The following DMXL1 variants were observed in gnomAD, a reference collection of about 807,000 sequenced individuals.
DMXL1 encodes the protein dmX-like protein 1.
DMXL1 carries 99 observed loss-of-function variants against 319.2 expected under a neutral mutation model. The ratio of observed to expected loss-of-function variants is 0.31; its 90% CI spans 0.26 to 0.37. DMXL1 has a LOEUF of 0.37. Among genes scored for constraint, DMXL1 ranks in the 10% least tolerant of loss-of-function variants. DMXL1 has a pLI of 1.00. For synonymous variants in DMXL1, 1,385 were observed against 1,235.2 expected (o/e 1.12, Z -2.54); for missense variants, 3,745 against 3,595.6 (o/e 1.04, Z -1.06).
In DMXL1 at chr5:119,125,495, A is replaced by T. The variant is rs576545021; in HGVS notation, c.1103-3716A>T. 6.6e-5 allele frequency among the ~76,000 whole-genome samples: 10 copies of T among 152,346 alleles called. No homozygotes were observed. In the South Asian group the frequency reaches 2.1e-3, roughly 32 times the overall value. ...TTAAATGTTGTTACAAAAATGAATT[A>T]CTAATGAGATTCTAGCTAAGGAGGG... On this transcript the variant is annotated intron_variant, in intron 9 of 43. Transcript: ENST00000539542.
At chr5:119,129,510 A>C in intron 10 of DMXL1, 87 bp downstream of exon 10, 1 of 895,766 alleles carries the variant, frequency 1.1e-6, no homozygotes, top group Non-Finnish European at 1.7e-6. Flanking sequence ...TACTTGTAAT[A>C]AACTTTAAAG....
chr5:119,137,652 A>G (rs550203067), intron 13 of DMXL1, among the ~76,000 whole-genome samples: 1 of 152,230 alleles, frequency 6.6e-6, no homozygotes, highest in Non-Finnish European at 1.5e-5. Flanking sequence ...ACAAGATCTG[A>G]TGGTTTAAAA....
chr5:119,093,992 G>C (rs139246280), intron 1 of DMXL1, among the ~76,000 whole-genome samples: 129 of 152,336 alleles, frequency 8.5e-4, no homozygotes, highest in South Asian at 3.7e-3. Context: ...TGAGGTATAA[G>C]AAAAGAAGTC....
At position 119,189,726 on chromosome 5, in the gene DMXL1, A is replaced by C; in HGVS notation, c.7154A>C (p.Glu2385Ala). ...TTGTTAGTTTCTTCACTAGTTGAAG[A>C]AGGAGAAAAACAGAACAAACGTTTT... The part of the protein sequence containing the change: ...KTLPVSSLVE[E>A]GEKQNKRFRP... Residue 2385 changes from glutamate (E) to alanine (A), a missense_variant, in exon 29 of 44, where the codon GAA becomes GCA. Glu to Ala is a moderately radical substitution (Grantham distance 107). Coordinates refer to ENST00000539542, the MANE Select transcript of DMXL1 (RefSeq NM_001290321.3). The C allele has an allele frequency of 6.2e-7, 1 of 1,613,900 alleles. No homozygotes were observed. The highest frequency in any genetic ancestry group is 8.5e-7 in the Non-Finnish European group (1 of 1,179,870).
intron 1 of DMXL1, among the ~76,000 whole-genome samples, chr5:119,095,526 T>TA (rs1386166195): frequency 1.3e-5 from 2 of 152,238 alleles, no homozygotes; most frequent in African/African-American, 2.4e-5. Context: ...ATTAGGTAGA[T>TA]AATTTCAGGT....
Position 119,247,012 on chromosome 5 carries a change from C to T in DMXL1, c.8940C>T (p.Thr2980=). ...EGNIKIWSLS[T]FGLLHTFVSE... ...TCTTTCAGATTTGGAGTCTCTCTAC[C>T]TTTGGTCTTCTCCATACTTTTGTCA... The change falls in exon 44 of 44, where the codon ACC becomes ACT. Residue 2980 remains threonine, a synonymous_variant. Transcript: ENST00000539542. 6 of 1,611,728 alleles carry T rather than the reference C, an allele frequency of 3.7e-6. No individual in the cohort carries two copies. Among genetic ancestry groups the T allele is most frequent in the Non-Finnish European group, 5.1e-6 (6 of 1,178,346 alleles).
Position 119,149,106 on chromosome 5 carries a change from T to G in DMXL1, c.3279T>G (p.Leu1093=). The part of the protein sequence containing the change: ...CESTGGSCWV[L]EQTIHLDELS... ...CAACAGGAGGTTCATGTTGGGTCCT[T>G]GAGCAGACAATTCATTTAGATGAGT... is the stretch of plus-strand genomic sequence containing the variant. The change falls in exon 18 of 44, where the codon CTT becomes CTG. Residue 1093 remains leucine (L), a synonymous_variant. Coordinates refer to ENST00000539542, the MANE Select transcript of DMXL1 (RefSeq NM_001290321.3). 2 of 1,613,974 alleles carry G rather than the reference T, an allele frequency of 1.2e-6. No individual in the cohort carries two copies. Among genetic ancestry groups the G allele is most frequent in the Non-Finnish European group, 1.7e-6 (2 of 1,179,894 alleles).
rs921879448 is a variant in DMXL1 at position 119,238,845 on chromosome 5, A to G, written c.8560-144A>G. 4 of 1,427,156 alleles carry G rather than the reference A, an allele frequency of 2.8e-6. No individual in the cohort carries two copies. In the African/African-American group the frequency reaches 4.3e-5, roughly 15 times the overall value. 88.4% of individuals were successfully genotyped at this position (1,427,156 alleles called of 1,614,324 possible). ...GAAAGTTCTCTGTATTACTTTTACA[A>G]TTTTTCTAAAGTTCAAAGGAAAAAA... is the stretch of plus-strand genomic sequence containing the variant. On this transcript the variant is annotated intron_variant, in intron 40 of 43. Coordinates refer to ENST00000539542, the MANE Select transcript of DMXL1 (RefSeq NM_001290321.3).
In DMXL1 at chr5:119,146,851, G is replaced by C. The variant is rs145623711; in HGVS notation, c.2584G>C (p.Gly862Arg). The change falls in exon 16 of 44, where the codon GGA becomes CGA. Residue 862 changes from glycine (G) to arginine (R), a missense_variant. By Grantham distance (125) the Gly-to-Arg change is moderately radical (BLOSUM62 -2). This residue lies in a region of DMXL1 where 2,096 missense variants were observed against 1,985.4 expected (regional missense o/e 1.06). Transcript: ENST00000539542. ...ILSNAGSSPN[G>R]FSEKFYLIVI... ...AATACCAACAGGCAGCTCACCTAAT[G>C]GATTTTCTGAGAAGTTCTACCTAAT... 6.2e-7 allele frequency: 1 copy of C among 1,609,762 alleles called. No individual in the cohort carries two copies. Among genetic ancestry groups the C allele is most frequent in the African/African-American group, 1.3e-5 (1 of 74,658 alleles).
At chr5:119,222,001 G>C (rs894077801) in intron 37 of DMXL1, among the ~76,000 whole-genome samples, 3 of 151,578 alleles carry the variant, frequency 2.0e-5, no homozygotes, top group African/African-American at 7.3e-5. Context: ...AGGTGGTAGG[G>C]TTTTTCAGAA....
At chr5:119,120,479 A>G (rs976782206) in intron 8 of DMXL1, among the ~76,000 whole-genome samples, 8 of 152,196 alleles carry the variant, frequency 5.3e-5, no homozygotes, top group African/African-American at 1.9e-4. Context: ...GAATAACAAT[A>G]TTTGCACTGC....
At chr5:119,123,114 A>C (rs1294482311) in intron 9 of DMXL1, among the ~76,000 whole-genome samples, 5 of 152,122 alleles carry the variant, frequency 3.3e-5, no homozygotes, top group Admixed American at 3.3e-4. Flanking sequence ...CGGCCCGGCC[A>C]ACACAGCGAA....
At chr5:119,126,687 G>T (rs1315141038) in intron 9 of DMXL1, 1 of 152,784 alleles carries the variant, frequency 6.5e-6, no homozygotes, top group Non-Finnish European at 1.5e-5. Flanking sequence ...TGATTAGACA[G>T]ATTCATCTAA....
At chr5:119,146,319 A>T (rs1768521846) in intron 15 of DMXL1, among the ~76,000 whole-genome samples, 1 of 151,974 alleles carries the variant, frequency 6.6e-6, no homozygotes, top group Non-Finnish European at 1.5e-5. Context: ...GATGTATTTT[A>T]AAAAGATATG....
intron 1 of DMXL1, among the ~76,000 whole-genome samples, chr5:119,078,074 T>G (rs1030818522): frequency 2.6e-5 from 4 of 151,820 alleles, no homozygotes; most frequent in Admixed American, 2.6e-4. Flanking sequence ...GACGGATTAT[T>G]TTTTATTTAA....
chr5:119,239,175 G>T, intron 41 of DMXL1, 95 bp downstream of exon 41: 1 of 1,258,838 alleles, frequency 7.9e-7, no homozygotes, highest in African/African-American at 1.5e-5. Flanking sequence ...TTTACTTATG[G>T]CTTTAGATAC....
intron 38 of DMXL1, among the ~76,000 whole-genome samples, chr5:119,226,293 C>G (rs748501760): frequency 6.6e-6 from 1 of 151,852 alleles, no homozygotes; most frequent in Non-Finnish European, 1.5e-5. Context: ...CAAACAAGTC[C>G]CACAGGTAGT....
At chr5:119,147,205 G>T in intron 16 of DMXL1, 44 bp from the exon 17 acceptor site, 1 of 1,517,052 alleles carries the variant, frequency 6.6e-7, no homozygotes. Flanking sequence ...ATATTTATAG[G>T]GTTCCCCTGC....
chr5:119,189,648 C>G (rs1236735319), intron 28 of DMXL1, 60 bp from the exon 29 acceptor site: 1 of 1,499,600 alleles, frequency 6.7e-7, no homozygotes, highest in Non-Finnish European at 9.2e-7. Context: ...TATGTAAACA[C>G]AGGTGAAATA....
Sources: gnomAD v4.1 joint callset for allele counts (sites outside exome capture counted in the v4.1 genomes callset) on GRCh38, gnomAD v4.1.1 for gene constraint, gnomAD v4.1.1 regional missense constraint, MANE v1.5 for transcripts, NCBI Gene and HGNC (gene_info 2026-07-23, HGNC 2026-07-21) for gene names.